WDR48: variants seen among roughly 807,000 people sequenced by gnomAD.
The protein encoded by WDR48 is WD repeat-containing protein 48.
In WDR48, 22 loss-of-function variants were observed where a neutral mutation model predicts 94.0. The ratio of observed to expected loss-of-function variants is 0.23; its 90% CI spans 0.17 to 0.33. The LOEUF (loss-of-function observed/expected upper bound fraction) is 0.33. WDR48 is among the 10% of genes least tolerant of loss of function. WDR48 has a pLI of 1.00. For synonymous variants in WDR48, 278 were observed against 280.5 expected (o/e 0.99, Z 0.09); for missense variants, 541 against 813.8 (o/e 0.66, Z 4.08).
intron 14 of WDR48, 90 bp from the exon 15 acceptor site, chr3:39,088,038 G>C: frequency 8.4e-7 from 1 of 1,192,974 alleles, no homozygotes; most frequent in Non-Finnish European, 1.2e-6. Context: ...ATTTAATCTT[G>C]CAATGTTTGA....
At position 39,094,927 on chromosome 3, in the gene WDR48, T is replaced by C; in HGVS notation, c.*184T>C. 5 of 760,996 alleles carry C rather than the reference T, an allele frequency of 6.6e-6. No individual in the cohort carries two copies. Among genetic ancestry groups the C allele is most frequent in the Non-Finnish European group, 1.0e-5 (5 of 484,680 alleles). 47.1% of individuals were successfully genotyped at this position (760,996 alleles called of 1,614,324 possible). On this transcript the variant is annotated 3_prime_UTR_variant, in exon 19 of 19. Transcript: ENST00000302313. ...TAATATAGAAACCAGTCTCCATGTGTAGATTAAGCTGTCCCCAGGGAAGCA... is the reference window on the plus strand; with the variant it reads ...TAATATAGAAACCAGTCTCCATGTGCAGATTAAGCTGTCCCCAGGGAAGCA...
chr3:39,084,372 A>AT lies in WDR48; in HGVS notation c.1281+113dup, dbSNP rs1230427381. 9 of 758,766 alleles carry AT rather than the reference A, an allele frequency of 1.2e-5. No homozygotes were observed. In the East Asian group the frequency reaches 2.9e-4, roughly 25 times the overall value. The allele number at this position is 758,766 out of a possible 1,614,324, so 47.0% of individuals were successfully genotyped here. ...TGTGTTTTTAGGTGTGAAAAAAAAA[A>AT]TTTGTGTTAAAACTTAAAATGCAAA... On this transcript the variant is annotated intron_variant, in intron 12 of 18. Transcript: ENST00000302313.
At chr3:39,053,797 AAT>A (rs2032659351) in intron 1 of WDR48, among the ~76,000 whole-genome samples, 1 of 152,236 alleles carries the variant, frequency 6.6e-6, no homozygotes, top group African/African-American at 2.4e-5. Flanking sequence ...AGAAAATGTA[AAT>A]TAACTGCAGC....
intron 7 of WDR48, among the ~76,000 whole-genome samples, chr3:39,074,238 G>A (rs1205826152): frequency 6.6e-6 from 1 of 152,204 alleles, no homozygotes; most frequent in Non-Finnish European, 1.5e-5. Context: ...AAGTGGCCAG[G>A]TAGAGAGGAC....
chr3:39,085,477 T>C, intron 13 of WDR48, 38 bp from the exon 14 acceptor site: 1 of 1,537,218 alleles, frequency 6.5e-7, no homozygotes, highest in African/African-American at 1.4e-5. Flanking sequence ...AGTAACTCGC[T>C]TTTCCATTTT....
chr3:39,080,867 G>T (rs1019779304), intron 11 of WDR48, among the ~76,000 whole-genome samples: 4 of 152,232 alleles, frequency 2.6e-5, no homozygotes, highest in Admixed American at 1.3e-4. Context: ...GGGGCAAGGT[G>T]AGCAGTTTTG....
intron 1 of WDR48, among the ~76,000 whole-genome samples, chr3:39,057,071 T>G (rs1306480016): frequency 6.6e-6 from 1 of 152,118 alleles, no homozygotes; most frequent in Non-Finnish European, 1.5e-5. Flanking sequence ...ATTAAAACTC[T>G]AGGGAAAACA....
chr3:39,082,560 A>G (rs2034594408), intron 11 of WDR48, among the ~76,000 whole-genome samples: 1 of 152,144 alleles, frequency 6.6e-6, no homozygotes, highest in African/African-American at 2.4e-5. Context: ...GATTACAGGC[A>G]TGAGCAACCG....
At chr3:39,092,193 AAC>A (rs1487597381) in intron 17 of WDR48, among the ~76,000 whole-genome samples, 1 of 152,066 alleles carries the variant, frequency 6.6e-6, no homozygotes, top group Admixed American at 6.5e-5. Flanking sequence ...TGATAAATAA[AAC>A]ACACATTTTG....
chr3:39,084,016 GACC>G, intron 11 of WDR48, 136 bp from the exon 12 acceptor site: 1 of 526,032 alleles, frequency 1.9e-6, no homozygotes. Context: ...TTTAAAAAAG[GACC>G]ACATTCTTTT....
chr3:39,053,204 T>C (rs116081759), intron 1 of WDR48, among the ~76,000 whole-genome samples: 2,188 of 152,168 alleles, frequency 0.014, 19 homozygotes, highest in Non-Finnish European at 0.018. Context: ...ATTGAAAGGG[T>C]GTAGAAATAA....
chr3:39,091,715 T>TCAAGTAAAATAGATCAAGTAAA lies in WDR48; in HGVS notation c.1745+14_1745+15insCAAGTAAAATAGATCAAGTAAA, dbSNP rs1559628720. 10 of 1,587,846 alleles carry TCAAGTAAAATAGATCAAGTAAA rather than the reference T, an allele frequency of 6.3e-6. No individual in the cohort carries two copies. The highest frequency in any genetic ancestry group is 7.7e-6 in the Non-Finnish European group (9 of 1,166,310). On this transcript the variant is annotated intron_variant, in intron 17 of 18. Coordinates refer to ENST00000302313, the MANE Select transcript of WDR48 (RefSeq NM_020839.4). ...AACCTTAAAAAAGTAAGTAAATATA[T>TCAAGTAAAATAGATCAAGTAAA]GGTTTCTTGATCTAATTAACTACTA...
At position 39,096,176 on chromosome 3, in the gene WDR48, A is replaced by C. The variant is rs959040382; in HGVS notation, c.*1433A>C. On this transcript the variant is annotated 3_prime_UTR_variant, in exon 19 of 19. Transcript: ENST00000302313. Reference sequence around the variant, plus strand: ...GCAGAGACAGGGTTCCCTCACTGCTAGTCAGCTTCTTTTGGAAACTGGACA... The same window carrying C: ...GCAGAGACAGGGTTCCCTCACTGCTCGTCAGCTTCTTTTGGAAACTGGACA... The C allele has an allele frequency of 6.6e-6, 1 of 152,520 alleles. No individual in the cohort carries two copies. Among genetic ancestry groups the C allele is most frequent in the African/African-American group, 2.4e-5 (1 of 41,456 alleles). 9.4% of individuals were successfully genotyped at this position (152,520 alleles called of 1,614,324 possible). A position where few individuals can be genotyped will look rare whatever the true frequency, so the allele number is the denominator to read the frequency against.
At position 39,094,972 on chromosome 3, in the gene WDR48, C is replaced by T. The variant is rs939796977; in HGVS notation, c.*229C>T. ...GAAGCAGAGTGCAAGAGCAGAAGAG[C>T]CCCAAGCAGACTATGTCTTTCAAGA... On this transcript the variant is annotated 3_prime_UTR_variant, in exon 19 of 19. Coordinates refer to ENST00000302313, the MANE Select transcript of WDR48 (RefSeq NM_020839.4). The T allele has an allele frequency of 8.7e-6, 5 of 576,740 alleles. No individual in the cohort carries two copies. The highest frequency in any genetic ancestry group is 7.5e-5 in the African/African-American group (4 of 53,456). 35.7% of individuals were successfully genotyped at this position (576,740 alleles called of 1,614,324 possible). A position where few individuals can be genotyped will look rare whatever the true frequency, so the allele number is the denominator to read the frequency against.
intron 1 of WDR48, among the ~76,000 whole-genome samples, chr3:39,060,230 A>G (rs983230943): frequency 4.6e-5 from 7 of 151,774 alleles, no homozygotes. Context: ...CCCGTTTTTC[A>G]TTTTTCCCTC....
chr3:39,091,735 C>T (rs774589631), intron 17 of WDR48, 34 bp downstream of exon 17: 5 of 1,502,038 alleles, frequency 3.3e-6, no homozygotes, highest in East Asian at 2.3e-5. Flanking sequence ...ATCTAATTAA[C>T]TACTAGAGAG....
chr3:39,066,796 A>G lies in WDR48; in HGVS notation c.402A>G (p.Ser134=), dbSNP rs1465131098. Residue 134 remains serine, a synonymous_variant, in exon 5 of 19, where the codon TCA becomes TCG. Coordinates refer to ENST00000302313, the MANE Select transcript of WDR48 (RefSeq NM_020839.4). ...CCAAGGATAAAGAACTAGTAGCATCAGCTGGGTTGGACAGACAAATATTCC... is the reference window on the plus strand; with the variant it reads ...CCAAGGATAAAGAACTAGTAGCATCGGCTGGGTTGGACAGACAAATATTCC... ...AYAKDKELVA[S]AGLDRQIFLW... 5.6e-6 allele frequency: 9 copies of G among 1,613,948 alleles called. No homozygotes were observed. The highest frequency in any genetic ancestry group is 6.8e-6 in the Non-Finnish European group (8 of 1,179,942).
At chr3:39,085,411 T>A in intron 13 of WDR48, 104 bp from the exon 14 acceptor site, 2 of 924,340 alleles carry the variant, frequency 2.2e-6, no homozygotes, top group South Asian at 2.9e-5. Flanking sequence ...GTTAAGAATG[T>A]AACATCAGAA....
intron 2 of WDR48, among the ~76,000 whole-genome samples, chr3:39,064,270 T>C (rs1049405086): frequency 2.7e-5 from 4 of 147,498 alleles, no homozygotes; most frequent in African/African-American, 1.0e-4. Context: ...ATCCATTTTC[T>C]TTTTTTTCTT....
Sources: allele counts gnomAD v4.1 joint callset (sites outside exome capture counted in the v4.1 genomes callset), GRCh38; gene constraint gnomAD v4.1.1; transcripts MANE v1.5; gene names NCBI Gene and HGNC (gene_info 2026-07-23, HGNC 2026-07-21).